Variants in CTNNA2 observed in about 807,000 individuals in gnomAD.
CTNNA2 encodes catenin alpha-2.
A neutral mutation model predicts 101.0 loss-of-function variants in CTNNA2; 42 were observed. The observed-to-expected ratio is 0.42, with a 90% CI of 0.32 to 0.54. The LOEUF (loss-of-function observed/expected upper bound fraction) is 0.54, where lower values mean the gene tolerates loss of function less well. CTNNA2 is among the 20% of genes least tolerant of loss of function. CTNNA2 has a pLI of 0.14. For missense variants in CTNNA2, 871 were observed against 1,223.1 expected (o/e 0.71, Z 4.29); for synonymous variants, 450 against 456.4 (o/e 0.99, Z 0.18).
chr2:79,614,667 A>G (rs545407865), intron 1 of CTNNA2, among the ~76,000 whole-genome samples: 95 of 152,214 alleles, frequency 6.2e-4, no homozygotes, highest in Admixed American at 1.4e-3. Context: ...ACCTAACAAC[A>G]CAGTTATGCT....
intron 7 of CTNNA2, among the ~76,000 whole-genome samples, chr2:79,957,988 C>A (rs972842177): frequency 2.0e-5 from 3 of 152,194 alleles, no homozygotes; most frequent in Non-Finnish European, 4.4e-5. Context: ...GCCTTCTGTT[C>A]TTTGAGCTAA....
In CTNNA2 at chr2:80,063,699, A is replaced by G. The variant is rs77373983; in HGVS notation, c.1056+153902A>G. On this transcript the variant is annotated intron_variant, in intron 7 of 18. Transcript: ENST00000402739. ...TATTAATTAGATACATATCATGACA[A>G]TGTGTATCTTACAGCATTGATAAAC... 6.6e-3 allele frequency among the ~76,000 whole-genome samples: 1,009 copies of G among 152,376 alleles called. 8 individuals are homozygous for G. The highest frequency in any genetic ancestry group is 0.023 in the African/African-American group (961 of 41,596).
At chr2:79,702,360 A>T (rs1259799567) in intron 2 of CTNNA2, among the ~76,000 whole-genome samples, 1 of 152,106 alleles carries the variant, frequency 6.6e-6, no homozygotes, top group Non-Finnish European at 1.5e-5. Flanking sequence ...TTCATGTTGT[A>T]TATGGCTACT....
At chr2:79,991,510 G>A (rs995349563) in intron 7 of CTNNA2, among the ~76,000 whole-genome samples, 8 of 152,082 alleles carry the variant, frequency 5.3e-5, no homozygotes, top group African/African-American at 1.2e-4. Context: ...TACCCAGCTC[G>A]CAGAGTTGTT....
upstream of CTNNA2, among the ~76,000 whole-genome samples, chr2:79,508,149 C>T (rs1198541044): frequency 6.6e-6 from 1 of 152,112 alleles, no homozygotes; most frequent in African/African-American, 2.4e-5. Context: ...ACACAAGGCT[C>T]CAGCAAGTAT....
chr2:79,265,102 A>G (rs537596511), intron 2 of CTNNA2, among the ~76,000 whole-genome samples: 7 of 152,308 alleles, frequency 4.6e-5, no homozygotes, highest in African/African-American at 1.7e-4. Context: ...TTGAATTTTG[A>G]GGAACCATTT....
chr2:80,643,567 A>C (rs2149862322), intron 18 of CTNNA2, among the ~76,000 whole-genome samples: 1 of 152,282 alleles, frequency 6.6e-6, no homozygotes, highest in Non-Finnish European at 1.5e-5. Flanking sequence ...AACCAGGAAA[A>C]GATGGATATG....
chr2:79,518,515 A>G (rs1291660011), intron 1 of CTNNA2, among the ~76,000 whole-genome samples: 1 of 152,140 alleles, frequency 6.6e-6, no homozygotes, highest in African/African-American at 2.4e-5. Context: ...TGGCCCCTTG[A>G]TGTTTTGGAA....
intron 2 of CTNNA2, among the ~76,000 whole-genome samples, chr2:79,742,107 C>T (rs889629185): frequency 6.6e-6 from 1 of 152,088 alleles, no homozygotes; most frequent in African/African-American, 2.4e-5. Flanking sequence ...TTTTCTTCCC[C>T]CCCACAAAAC....
intron 4 of CTNNA2, among the ~76,000 whole-genome samples, chr2:79,433,634 A>C (rs1678680080): frequency 6.6e-6 from 1 of 151,184 alleles, no homozygotes; most frequent in African/African-American, 2.4e-5. Context: ...GAAAAAAAAA[A>C]AAAAAAAAAA....
At chr2:80,116,902 A>AGTGTGTGTGTGTGT (rs112383959) in intron 7 of CTNNA2, among the ~76,000 whole-genome samples, 4,611 of 143,522 alleles carry the variant, frequency 0.032, 110 homozygotes, top group Admixed American at 0.062. Flanking sequence ...AGAAGAAAAT[A>AGTGTGTGTGTGTGT]GTGTGTGTGT....
intron 7 of CTNNA2, among the ~76,000 whole-genome samples, chr2:80,068,162 C>G (rs928208667): frequency 2.0e-5 from 3 of 152,112 alleles, no homozygotes; most frequent in African/African-American, 7.2e-5. Context: ...AGGAGAGAGG[C>G]AGGAAAAGGA....
chr2:79,992,056 C>G (rs575927581), intron 7 of CTNNA2, among the ~76,000 whole-genome samples: 1 of 152,058 alleles, frequency 6.6e-6, no homozygotes, highest in Non-Finnish European at 1.5e-5. Context: ...CTTTGTCAAA[C>G]AAGAAATATC....
intron 7 of CTNNA2, among the ~76,000 whole-genome samples, chr2:80,365,390 T>C (rs1674821967): frequency 6.6e-6 from 1 of 152,144 alleles, no homozygotes; most frequent in Non-Finnish European, 1.5e-5. Context: ...CAGCTTATAT[T>C]TTAAAGGTTG....
chr2:79,344,597 A>T (rs1677212788), intron 3 of CTNNA2, among the ~76,000 whole-genome samples: 1 of 151,986 alleles, frequency 6.6e-6, no homozygotes, highest in Non-Finnish European at 1.5e-5. Context: ...GAATACTTCT[A>T]TTCTGAATCT....
intron 7 of CTNNA2, among the ~76,000 whole-genome samples, chr2:80,377,826 G>A (rs1170631764): frequency 6.6e-6 from 1 of 152,170 alleles, no homozygotes; most frequent in Non-Finnish European, 1.5e-5. Context: ...TGAGATTCTG[G>A]AAGAACTAAG....
At chr2:79,829,342 C>A (rs1344007290) in intron 3 of CTNNA2, among the ~76,000 whole-genome samples, 2 of 147,526 alleles carry the variant, frequency 1.4e-5, no homozygotes, top group Non-Finnish European at 3.0e-5. Context: ...TATGGTGAAA[C>A]CCCGTCTCAA....
chr2:80,383,814 T>C (rs1233568414), intron 7 of CTNNA2, among the ~76,000 whole-genome samples: 1 of 152,198 alleles, frequency 6.6e-6, no homozygotes, highest in Non-Finnish European at 1.5e-5. Context: ...TTTCATTACT[T>C]GGGTATATAC....
At chr2:79,457,358 A>T (rs1304857757) in intron 4 of CTNNA2, among the ~76,000 whole-genome samples, 1 of 152,160 alleles carries the variant, frequency 6.6e-6, no homozygotes, top group Non-Finnish European at 1.5e-5. Context: ...TAAAGCATTT[A>T]TTTTAATTAT....
Sources: allele counts gnomAD v4.1 joint callset (sites outside exome capture counted in the v4.1 genomes callset), GRCh38; gene constraint gnomAD v4.1.1; transcripts MANE v1.5; gene names NCBI Gene and HGNC (gene_info 2026-07-23, HGNC 2026-07-21).